PHLDB2: variants seen among roughly 807,000 people sequenced by gnomAD.
PHLDB2 encodes the protein pleckstrin homology like domain family B member 2.
PHLDB2 carries 71 observed loss-of-function variants against 123.6 expected under a neutral mutation model. That is an observed-to-expected ratio of 0.57 (90% confidence interval 0.47 to 0.70). The LOEUF is 0.70. Ranked by LOEUF, PHLDB2 falls within the 30% of genes least tolerant of loss-of-function variation. PHLDB2 has a pLI of 0.00. For synonymous variants in PHLDB2, 547 were observed against 541.6 expected (o/e 1.01, Z -0.14); for missense variants, 1,446 against 1,519.5 (o/e 0.95, Z 0.80).
intron 2 of PHLDB2, among the ~76,000 whole-genome samples, chr3:111,896,823 C>T (rs1234182982): frequency 6.6e-6 from 1 of 150,664 alleles, no homozygotes; most frequent in African/African-American, 2.4e-5. Context: ...TCTTTTGTTT[C>T]AGCCATCTCA....
At chr3:111,884,004 A>AAG (rs2066059199) in intron 1 of PHLDB2, 60 bp from the exon 2 acceptor site, 2 of 1,473,620 alleles carry the variant, frequency 1.4e-6, no homozygotes, top group Non-Finnish European at 1.8e-6. Context: ...TAGGCCTAAC[A>AAG]AGGGATTGTT....
chr3:111,830,625 C>G (rs1014879284), intron 1 of PHLDB2, among the ~76,000 whole-genome samples: 1 of 147,854 alleles, frequency 6.8e-6, no homozygotes, highest in Non-Finnish European at 1.5e-5. Flanking sequence ...CCGGCTAAAA[C>G]GGTGAAACCC....
chr3:111,946,828 G>C (rs1279624081), intron 9 of PHLDB2, among the ~76,000 whole-genome samples: 1 of 152,212 alleles, frequency 6.6e-6, no homozygotes, highest in Non-Finnish European at 1.5e-5. Flanking sequence ...ATCATAAAAA[G>C]TAAGAGAGGG....
At chr3:111,742,034 T>C (rs773488592) in intron 1 of PHLDB2, among the ~76,000 whole-genome samples, 2 of 152,200 alleles carry the variant, frequency 1.3e-5, no homozygotes, top group African/African-American at 4.8e-5. Flanking sequence ...TTTGGTTAGA[T>C]TGTATGCTGA....
chr3:111,968,482 A>G (rs893130431), intron 15 of PHLDB2, among the ~76,000 whole-genome samples: 3 of 152,232 alleles, frequency 2.0e-5, no homozygotes, highest in Non-Finnish European at 4.4e-5. Flanking sequence ...TCTTGTCACT[A>G]TAGCTGCTTA....
intron 1 of PHLDB2, among the ~76,000 whole-genome samples, chr3:111,738,268 G>T (rs986895657): frequency 1.3e-5 from 2 of 152,082 alleles, no homozygotes; most frequent in African/African-American, 4.8e-5. Flanking sequence ...GAATACAGTT[G>T]TGTTGATAAA....
At chr3:111,763,314 A>G (rs188180368) in intron 1 of PHLDB2, among the ~76,000 whole-genome samples, 19 of 152,308 alleles carry the variant, frequency 1.2e-4, no homozygotes, top group Non-Finnish European at 1.8e-4. Flanking sequence ...CGAACTGCAA[A>G]CTGCACAGGG....
intron 1 of PHLDB2, among the ~76,000 whole-genome samples, chr3:111,772,861 C>A (rs60556634): frequency 6.6e-6 from 1 of 152,162 alleles, no homozygotes; most frequent in Non-Finnish European, 1.5e-5. Flanking sequence ...GCCCCACAGG[C>A]CTGCACCCCT....
intron 1 of PHLDB2, among the ~76,000 whole-genome samples, chr3:111,794,369 A>G (rs1289075652): frequency 2.0e-5 from 3 of 152,072 alleles, no homozygotes; most frequent in African/African-American, 7.2e-5. Context: ...CCGCTGCGGA[A>G]TAGAGGAGGG....
At chr3:111,739,144 A>C (rs900231894) in intron 1 of PHLDB2, among the ~76,000 whole-genome samples, 1 of 152,200 alleles carries the variant, frequency 6.6e-6, no homozygotes, top group Non-Finnish European at 1.5e-5. Flanking sequence ...TACAGAAATA[A>C]TTTTAATTTA....
intron 2 of PHLDB2, among the ~76,000 whole-genome samples, chr3:111,899,734 G>T (rs1398566631): frequency 6.6e-6 from 1 of 152,176 alleles, no homozygotes; most frequent in Non-Finnish European, 1.5e-5. Flanking sequence ...GTCTAGCTTT[G>T]TAAGTCCTAG....
chr3:111,925,486 A>G (rs1229131183), intron 5 of PHLDB2, among the ~76,000 whole-genome samples: 1 of 152,218 alleles, frequency 6.6e-6, no homozygotes, highest in African/African-American at 2.4e-5. Context: ...GCCACTATGA[A>G]CATTGATAAA....
rs2068000084 is a variant in PHLDB2 at position 111,913,376 on chromosome 3, A to G, written c.1393A>G (p.Ser465Gly). 1 of 1,613,744 alleles carries G rather than the reference A, an allele frequency of 6.2e-7. No homozygotes were observed. The highest frequency in any genetic ancestry group is 1.3e-5 in the African/African-American group (1 of 74,996). Reference sequence around the variant, plus strand: ...CTGTGCTGAATACACAAAGCCTGACAGTCGCTTATCTACTGGGACCACCGT... The same window carrying G: ...CTGTGCTGAATACACAAAGCCTGACGGTCGCTTATCTACTGGGACCACCGT... ...SLCAEYTKPD[S>G]RLSTGTTVED... is the part of the protein sequence containing the mutation. The change falls in exon 3 of 18, where the codon AGT becomes GGT. Residue 465 changes from serine (S) to glycine (G), a missense_variant. Around this residue, in one of 3 missense-constraint regions of PHLDB2, gnomAD observed 832 missense variants for 831.9 expected, o/e 1.00. Coordinates refer to ENST00000431670, the MANE Select transcript of PHLDB2 (RefSeq NM_001134438.2).
chr3:111,930,897 T>TTACATTTCTAAAGCCAAATA (rs1399539818), intron 5 of PHLDB2, among the ~76,000 whole-genome samples: 1 of 152,172 alleles, frequency 6.6e-6, no homozygotes, highest in African/African-American at 2.4e-5. Flanking sequence ...TTTAAGAAAA[T>TTACATTTCTAAAGCCAAATA]TACATTTCTA....
At position 111,952,750 on chromosome 3, in the gene PHLDB2, G is replaced by A. The variant is rs141594151; in HGVS notation, c.2772+38G>A. The A allele has an allele frequency of 1.3e-4, 203 of 1,593,546 alleles. 1 individual carries two copies. In the East Asian group the frequency reaches 4.2e-3, roughly 33 times the overall value. The stretch of plus-strand genomic sequence containing the variant: ...AGAAACCACGGGCTTCCCATTCCAT[G>A]AGTCTTCTTGTCATTATATTCACTG... On this transcript the variant is annotated intron_variant, in intron 11 of 17. Coordinates refer to ENST00000431670, the MANE Select transcript of PHLDB2 (RefSeq NM_001134438.2).
At chr3:111,879,358 A>G (rs1467753583) in intron 1 of PHLDB2, among the ~76,000 whole-genome samples, 3 of 152,150 alleles carry the variant, frequency 2.0e-5, no homozygotes, top group African/African-American at 7.2e-5. Context: ...TACTCTACAC[A>G]TTCAGAGAAA....
chr3:111,905,757 C>T (rs74545269), intron 2 of PHLDB2, among the ~76,000 whole-genome samples: 3,166 of 152,264 alleles, frequency 0.021, 129 homozygotes, highest in African/African-American at 0.072. Flanking sequence ...TCGCAGCAAA[C>T]ACATGAGTAA....
At chr3:111,829,757 C>G (rs1251389913) in intron 1 of PHLDB2, among the ~76,000 whole-genome samples, 2 of 152,058 alleles carry the variant, frequency 1.3e-5, no homozygotes, top group East Asian at 1.9e-4. Context: ...CCACCGCGCC[C>G]GACCAACATC....
At chr3:111,764,383 C>T (rs76587235) in intron 1 of PHLDB2, among the ~76,000 whole-genome samples, 7,672 of 152,248 alleles carry the variant, frequency 0.05, 649 homozygotes, top group African/African-American at 0.17. Flanking sequence ...CAAATATACA[C>T]AGACAGAGTA....
Sources: allele counts gnomAD v4.1 joint callset (sites outside exome capture counted in the v4.1 genomes callset), GRCh38; gene constraint gnomAD v4.1.1; regional missense constraint gnomAD v4.1.1; transcripts MANE v1.5; gene names NCBI Gene and HGNC (gene_info 2026-07-23, HGNC 2026-07-21).